SPRR2G: variants seen among roughly 807,000 people sequenced by gnomAD.
SPRR2G encodes the protein small proline rich protein 2G, also known as small proline-rich protein 2G.
Under a neutral mutation model 0.7 loss-of-function variants are expected in SPRR2G, and 1 was observed. The observed-to-expected ratio is 1.49, with a 90% CI of 0.53 to 7.06. The LOEUF is 7.06. Among genes scored for constraint, SPRR2G ranks in the 30% most tolerant of loss-of-function variants. SPRR2G has a pLI of 0.14. For synonymous variants in SPRR2G, 38 were observed against 33.9 expected (o/e 1.12, Z -0.42); for missense variants, 96 against 88.5 (o/e 1.09, Z -0.34).
the SPRR2G span, among the ~76,000 whole-genome samples, chr1:153,184,567 C>T: frequency 6.6e-6 from 1 of 152,086 alleles, no homozygotes; most frequent in Non-Finnish European, 1.5e-5. Context: ...TATCCTGAGA[C>T]TGCTGTATTT....
At chr1:153,185,002 T>C in the SPRR2G span, among the ~76,000 whole-genome samples, 4 of 152,222 alleles carry the variant, frequency 2.6e-5, no homozygotes, top group Non-Finnish European at 5.9e-5. Flanking sequence ...TGTGATGGAT[T>C]ACATTTATTG....
the SPRR2G span, among the ~76,000 whole-genome samples, chr1:153,180,225 A>G: frequency 1.3e-5 from 2 of 152,338 alleles, no homozygotes; most frequent in Non-Finnish European, 2.9e-5. Flanking sequence ...CCAGCATCTC[A>G]GAAGCAGTCC....
chr1:153,200,638 C>A, the SPRR2G span, among the ~76,000 whole-genome samples: 122 of 151,716 alleles, frequency 8.0e-4, no homozygotes, highest in Non-Finnish European at 1.3e-3. Flanking sequence ...ATGAAGGAAT[C>A]GAGACCTGGA....
At chr1:153,188,810 C>A in the SPRR2G span, among the ~76,000 whole-genome samples, 2 of 152,158 alleles carry the variant, frequency 1.3e-5, no homozygotes, top group Non-Finnish European at 2.9e-5. Flanking sequence ...GGTGTAGGCA[C>A]ACGAGGGAAT....
Position 153,150,854 on chromosome 1 carries a change from GAGTCTTCAA to G in SPRR2G, c.-33_-25del. ...AAGCTTCTAATATTTGTACTCACCA[GAGTCTTCAA>G]AGATCTACAACTGAATGGCAAGAAG... On this transcript the variant is annotated 5_prime_UTR_variant, in exon 1 of 2. Coordinates refer to ENST00000368748, the MANE Select transcript of SPRR2G (RefSeq NM_001014291.4). 1 of 152,896 alleles carries G rather than the reference GAGTCTTCAA, an allele frequency of 6.5e-6. No homozygotes were observed. The highest frequency in any genetic ancestry group is 1.5e-5 in the Non-Finnish European group (1 of 68,474). 9.5% of individuals were successfully genotyped at this position (152,896 alleles called of 1,614,324 possible).
upstream of SPRR2G, among the ~76,000 whole-genome samples, chr1:153,155,271 C>G (rs780194437): frequency 2.0e-5 from 3 of 152,174 alleles, no homozygotes; most frequent in Non-Finnish European, 4.4e-5. Flanking sequence ...CAAGTACCAA[C>G]AAGCTGATCA....
the SPRR2G span, chr1:153,176,456 T>C: frequency 6.6e-6 from 1 of 152,188 alleles, no homozygotes; most frequent in African/African-American, 2.4e-5. Flanking sequence ...TGGAAACTTT[T>C]ATCCTAGATA....
upstream of SPRR2G, among the ~76,000 whole-genome samples, chr1:153,152,266 A>G (rs1367921554): frequency 6.6e-6 from 1 of 152,184 alleles, no homozygotes; most frequent in Non-Finnish European, 1.5e-5. Flanking sequence ...CTATCTAGTG[A>G]AGATCCTTTC....
chr1:153,182,748 T>G, the SPRR2G span, among the ~76,000 whole-genome samples: 1 of 152,202 alleles, frequency 6.6e-6, no homozygotes, highest in Non-Finnish European at 1.5e-5. Flanking sequence ...TGCATAGTAT[T>G]CCATGGTGTA....
At position 153,150,140 on chromosome 1, in the gene SPRR2G, T is replaced by TA. The variant is rs1268363747; in HGVS notation, c.-21-10dup. The TA allele has an allele frequency of 1.3e-5, 21 of 1,610,544 alleles. No homozygotes were observed. Among genetic ancestry groups the TA allele is most frequent in the Non-Finnish European group, 1.7e-5 (20 of 1,179,826 alleles). ...CCTCAGTCTCAGAGAATCTGAAAGA[T>TA]ACATACGAAACAGTGCTCATAAGAG... On this transcript the variant is annotated splice_polypyrimidine_tract_variant and intron_variant, in intron 1 of 1. Transcript: ENST00000368748.
the SPRR2G span, among the ~76,000 whole-genome samples, chr1:153,165,893 A>G: frequency 6.6e-6 from 1 of 152,176 alleles, no homozygotes; most frequent in Non-Finnish European, 1.5e-5. Context: ...CACAGGCTTC[A>G]TGGCCCCACC....
chr1:153,193,030 A>T, the SPRR2G span, among the ~76,000 whole-genome samples: 1 of 152,116 alleles, frequency 6.6e-6, no homozygotes, highest in African/African-American at 2.4e-5. Flanking sequence ...TTGAGAGATT[A>T]GGTAAACCTT....
chr1:153,166,351 A>G, the SPRR2G span, among the ~76,000 whole-genome samples: 3 of 152,246 alleles, frequency 2.0e-5, no homozygotes, highest in South Asian at 6.2e-4. Flanking sequence ...AGAAGATTTG[A>G]GTGTTTATGA....
At chr1:153,203,071 G>T in the SPRR2G span, among the ~76,000 whole-genome samples, 3 of 152,252 alleles carry the variant, frequency 2.0e-5, no homozygotes, top group South Asian at 6.2e-4. Context: ...ATCAATTCAG[G>T]GTTGCTCTCC....
chr1:153,153,846 A>T (rs968369814), upstream of SPRR2G, among the ~76,000 whole-genome samples: 1 of 152,162 alleles, frequency 6.6e-6, no homozygotes, highest in Admixed American at 6.5e-5. Context: ...TTTAAAAATA[A>T]TAGAATTAGA....
chr1:153,194,909 G>A, the SPRR2G span, among the ~76,000 whole-genome samples: 1 of 152,158 alleles, frequency 6.6e-6, no homozygotes, highest in East Asian at 1.9e-4. Context: ...CAAGGATGGA[G>A]AATTAGGGAG....
chr1:153,156,865 GTATT>G, the SPRR2G span, among the ~76,000 whole-genome samples: 1 of 152,286 alleles, frequency 6.6e-6, no homozygotes, highest in Admixed American at 6.5e-5. Context: ...GTAAACGTCA[GTATT>G]TAAATTGATT....
the SPRR2G span, among the ~76,000 whole-genome samples, chr1:153,179,018 G>C: frequency 6.6e-6 from 1 of 152,264 alleles, no homozygotes; most frequent in South Asian, 2.1e-4. Flanking sequence ...ATGTACTTCA[G>C]AGATTTACTA....
At chr1:153,190,826 C>T in the SPRR2G span, 5 of 152,190 alleles carry the variant, frequency 3.3e-5, no homozygotes, top group African/African-American at 1.2e-4. Context: ...TAACAAAGCT[C>T]ACCCCTTCCT....
Sources: allele counts gnomAD v4.1 joint callset (sites outside exome capture counted in the v4.1 genomes callset), GRCh38; gene constraint gnomAD v4.1.1; transcripts MANE v1.5; gene names NCBI Gene and HGNC (gene_info 2026-07-23, HGNC 2026-07-21).